Variants in GYPB observed in about 807,000 individuals in gnomAD.
GYPB encodes glycophorin B (MNS blood group).
Under a neutral mutation model 15.3 loss-of-function variants are expected in GYPB, and 13 were observed. That is an observed-to-expected ratio of 0.85 (90% CI 0.55 to 1.35). The LOEUF (loss-of-function observed/expected upper bound fraction) is 1.35, where lower values mean the gene tolerates loss of function less well. Among genes scored for constraint, GYPB ranks in the 40% most tolerant of loss-of-function variants. GYPB has a pLI of 0.00. For synonymous variants in GYPB, 38 were observed against 36.9 expected (o/e 1.03, Z -0.11); for missense variants, 131 against 108.3 (o/e 1.21, Z -0.93).
At chr4:144,015,254 A>T (rs1728429646) in intron 1 of GYPB, among the ~76,000 whole-genome samples, 2 of 151,450 alleles carry the variant, frequency 1.3e-5, no homozygotes, top group Non-Finnish European at 2.9e-5. Flanking sequence ...TACAATCCCA[A>T]CACTCAGAGA....
chr4:144,005,356 G>A (rs1289483443), intron 1 of GYPB, among the ~76,000 whole-genome samples: 1 of 151,932 alleles, frequency 6.6e-6, no homozygotes, highest in Non-Finnish European at 1.5e-5. Context: ...TAATGTTTTA[G>A]TATATTAGTC....
chr4:144,018,293 G>A (rs1728610260), intron 1 of GYPB, among the ~76,000 whole-genome samples: 1 of 151,368 alleles, frequency 6.6e-6, no homozygotes, highest in East Asian at 1.9e-4. Flanking sequence ...TTTGAACCCA[G>A]TTCTGTCTGT....
chr4:144,017,155 A>G (rs1001558867), intron 1 of GYPB, among the ~76,000 whole-genome samples: 2 of 150,758 alleles, frequency 1.3e-5, no homozygotes, highest in African/African-American at 5.0e-5. Flanking sequence ...CTGGTTCACA[A>G]TCTGACATGT....
chr4:144,002,708 A>T (rs1460803597), intron 1 of GYPB: 1 of 1,285,892 alleles, frequency 7.8e-7, no homozygotes, highest in Non-Finnish European at 1.0e-6. Context: ...GAGAGCACAC[A>T]AATAACAGAA....
chr4:144,006,004 G>C (rs13435083), intron 1 of GYPB, among the ~76,000 whole-genome samples: 1 of 135,580 alleles, frequency 7.4e-6, no homozygotes, highest in African/African-American at 2.8e-5. Context: ...AGATTGATAA[G>C]AGTTTAATGA....
intron 4 of GYPB, among the ~76,000 whole-genome samples, chr4:143,996,544 C>T (rs1315389023): frequency 1.3e-5 from 2 of 151,022 alleles, no homozygotes; most frequent in East Asian, 3.9e-4. Context: ...GCAGGTGGAT[C>T]ACTTGAGGTC....
rs370332485 is a variant in GYPB, at chr4:143,999,425, C to T, written c.161G>A (p.Arg54His). ...TATTAACATACCTGGTACAGTGAAA[C>T]GATGGACAAGTTGTCCCGTTTCTCC... ...TNGETGQLVH[R>H]FTVPAPVVII... Residue 54 changes from arginine to histidine, a missense_variant, in exon 3 of 5, where the codon CGT (arginine) becomes CAT (histidine). Coordinates refer to ENST00000502664, the MANE Select transcript of GYPB (RefSeq NM_002100.6). 1.9e-4 allele frequency: 296 copies of T among 1,541,442 alleles called. 1 individual carries two copies. The highest frequency in any genetic ancestry group is 2.2e-4 in the Non-Finnish European group (249 of 1,119,182).
intron 1 of GYPB, among the ~76,000 whole-genome samples, chr4:144,003,422 C>T (rs368424341): frequency 0.013 from 1,984 of 151,350 alleles, 136 homozygotes; most frequent in African/African-American, 0.046. Context: ...CACTTCTTAA[C>T]ATTCCTTTGG....
At chr4:144,018,340 A>G (rs1370022738) in intron 1 of GYPB, among the ~76,000 whole-genome samples, 1 of 150,606 alleles carries the variant, frequency 6.6e-6, no homozygotes, top group Non-Finnish European at 1.5e-5. Flanking sequence ...GCACTATTTT[A>G]TCCTCCCCTA....
rs749614403 is a variant in GYPB, at chr4:144,001,245, C to T, written c.76G>A (p.Ala26Thr). Residue 26 changes from alanine (A) to threonine (T), a missense_variant, in exon 2 of 5, where the codon GCA becomes ACA. By Grantham distance (58) the Ala-to-Thr change is moderately conservative (BLOSUM62 0). Coordinates refer to ENST00000502664, the MANE Select transcript of GYPB (RefSeq NM_002100.6). ...GAAGAAGAGGTTGAAGTGTGCATTG[C>T]CACCTCAGTGGTACTTAATGCTGAT... ...SISALSTTEV[A>T]MHTSTSSSVT... 3.7e-6 allele frequency: 6 copies of T among 1,612,670 alleles called. No homozygotes were observed. The highest frequency in any genetic ancestry group is 5.1e-6 in the Non-Finnish European group (6 of 1,179,804).
chr4:144,006,192 T>G (rs1281696032), intron 1 of GYPB, among the ~76,000 whole-genome samples: 1 of 151,946 alleles, frequency 6.6e-6, no homozygotes, highest in Non-Finnish European at 1.5e-5. Flanking sequence ...TAATTTAGGT[T>G]TGAGAAGGGT....
chr4:143,999,500 G>GA (rs879477940), intron 2 of GYPB, 51 bp from the exon 3 acceptor site: 84 of 963,074 alleles, frequency 8.7e-5, no homozygotes, highest in Non-Finnish European at 1.3e-4. Context: ...CATGTGCAAA[G>GA]AAAAAAATCA....
chr4:144,012,272 A>G (rs556415788), intron 1 of GYPB, among the ~76,000 whole-genome samples: 1 of 151,696 alleles, frequency 6.6e-6, no homozygotes, highest in South Asian at 2.1e-4. Context: ...GCAACATAAC[A>G]TATTCTCCAA....
intron 3 of GYPB, 190 bp downstream of exon 3, chr4:143,999,221 T>C: frequency 2.0e-6 from 1 of 500,892 alleles, no homozygotes. Flanking sequence ...CAAAATGTTT[T>C]TAAAAATAAG....
intron 2 of GYPB, among the ~76,000 whole-genome samples, chr4:143,999,906 T>G (rs1727533067): frequency 6.6e-6 from 1 of 151,622 alleles, no homozygotes; most frequent in South Asian, 2.1e-4. Flanking sequence ...GAATCTAAAC[T>G]GTTACTGTGT....
intron 1 of GYPB, among the ~76,000 whole-genome samples, chr4:144,018,069 A>C (rs1728597457): frequency 6.6e-6 from 1 of 151,412 alleles, no homozygotes; most frequent in Admixed American, 6.6e-5. Context: ...TAATCATGAT[A>C]GTTAATTCTA....
intron 1 of GYPB, among the ~76,000 whole-genome samples, chr4:144,002,121 G>C (rs1013140675): frequency 6.6e-6 from 1 of 150,922 alleles, no homozygotes; most frequent in Non-Finnish European, 1.5e-5. Flanking sequence ...AAATTTATAA[G>C]TTATTTTATA....
chr4:144,018,117 T>C (rs1407910825), intron 1 of GYPB, among the ~76,000 whole-genome samples: 4 of 151,424 alleles, frequency 2.6e-5, no homozygotes, highest in Non-Finnish European at 5.9e-5. Flanking sequence ...CATTTTACTT[T>C]GTTTCTGGCA....
chr4:144,013,585 A>G (rs1728329409), intron 1 of GYPB, among the ~76,000 whole-genome samples: 1 of 151,330 alleles, frequency 6.6e-6, no homozygotes, highest in African/African-American at 2.5e-5. Flanking sequence ...AATACTATGC[A>G]GCCATAAAAA....
Sources: gnomAD v4.1 joint callset for allele counts (sites outside exome capture counted in the v4.1 genomes callset) on GRCh38, gnomAD v4.1.1 for gene constraint, MANE v1.5 for transcripts, NCBI Gene and HGNC (gene_info 2026-07-23, HGNC 2026-07-21) for gene names.